CEP128: variants seen among roughly 807,000 people sequenced by gnomAD.
CEP128 encodes centrosomal protein 128kDa.
Under a neutral mutation model 156.7 loss-of-function variants are expected in CEP128, and 132 were observed. The ratio of observed to expected loss-of-function variants is 0.84; its 90% CI spans 0.73 to 0.97. The LOEUF is 0.97. CEP128 is among the 50% of genes least tolerant of loss of function. The pLI, the probability that CEP128 is intolerant of heterozygous loss-of-function variation, is 0.00. For missense variants in CEP128, 1,252 were observed against 1,281.9 expected, an observed-to-expected ratio of 0.98 and a Z score of 0.36; for synonymous variants, 469 against 448.9, an observed-to-expected ratio of 1.04 and a Z score of -0.57.
intron 19 of CEP128, among the ~76,000 whole-genome samples, chr14:80,695,344 A>G (rs1350838018): frequency 6.6e-6 from 1 of 152,190 alleles, no homozygotes; most frequent in Non-Finnish European, 1.5e-5. Context: ...TTGAGTTTTG[A>G]GAAATAATTA....
At chr14:80,562,951 A>G (rs1890752144) in intron 20 of CEP128, among the ~76,000 whole-genome samples, 1 of 151,852 alleles carries the variant, frequency 6.6e-6, no homozygotes, top group African/African-American at 2.4e-5. Context: ...GGCATGAACC[A>G]CCACACGTGG....
At chr14:80,542,814 G>A (rs1889823793) in intron 21 of CEP128, among the ~76,000 whole-genome samples, 1 of 152,176 alleles carries the variant, frequency 6.6e-6, no homozygotes, top group Admixed American at 6.5e-5. Context: ...AGAGGGTCCT[G>A]ATAGAGAGCT....
intron 21 of CEP128, among the ~76,000 whole-genome samples, chr14:80,539,671 A>T (rs1050735324): frequency 1.3e-5 from 2 of 152,186 alleles, no homozygotes; most frequent in Non-Finnish European, 2.9e-5. Flanking sequence ...GGAACAAGGG[A>T]AGACAATCAT....
chr14:80,824,908 G>T (rs1376485748), intron 13 of CEP128, among the ~76,000 whole-genome samples: 1 of 152,162 alleles, frequency 6.6e-6, no homozygotes, highest in Admixed American at 6.5e-5. Flanking sequence ...TCATGTTGCT[G>T]ATAAAGACAC....
chr14:80,739,536 A>C (rs1320623717), intron 19 of CEP128, among the ~76,000 whole-genome samples: 2 of 152,164 alleles, frequency 1.3e-5, no homozygotes, highest in Non-Finnish European at 2.9e-5. Context: ...ATCAGGCTCA[A>C]GCTTTTCTAT....
rs1885779503 is a variant in CEP128 at position 80,831,257 on chromosome 14, C to T, written c.1095G>A (p.Met365Ile). 6.2e-7 allele frequency: 1 copy of T among 1,614,050 alleles called. No individual in the cohort carries two copies. Among genetic ancestry groups the T allele is most frequent in the South Asian group, 1.1e-5 (1 of 91,076 alleles). Residue 365 changes from methionine (M) to isoleucine (I), a missense_variant, in exon 13 of 25, where the codon ATG (methionine) becomes ATA (isoleucine). Coordinates refer to ENST00000555265, the MANE Select transcript of CEP128 (RefSeq NM_152446.5). ...EREKQDLEKQMSDLRVQLNFS... is the reference protein window; with the variant it reads ...EREKQDLEKQISDLRVQLNFS... ...AGTTCAGCTGCACTCTCAAATCTGA[C>T]ATTTGCTTCTCCAGGTCCTGTTTTT... is the stretch of plus-strand genomic sequence containing the variant.
chr14:80,782,570 GA>G (rs1901184531), intron 15 of CEP128, among the ~76,000 whole-genome samples: 1 of 152,142 alleles, frequency 6.6e-6, no homozygotes, highest in Non-Finnish European at 1.5e-5. Flanking sequence ...TCAGAGAGAA[GA>G]AAGGCTATCA....
chr14:80,901,105 C>G (rs1373217593), intron 6 of CEP128, among the ~76,000 whole-genome samples: 1 of 151,888 alleles, frequency 6.6e-6, no homozygotes, highest in Non-Finnish European at 1.5e-5. Flanking sequence ...ACTCGGGAGG[C>G]TGAGGCAGGA....
intron 23 of CEP128, among the ~76,000 whole-genome samples, chr14:80,509,221 A>G (rs1224743374): frequency 6.6e-6 from 1 of 152,186 alleles, no homozygotes; most frequent in Non-Finnish European, 1.5e-5. Context: ...AAACTCCTCC[A>G]TACTGTTCTC....
intron 17 of CEP128, among the ~76,000 whole-genome samples, chr14:80,760,940 A>T (rs1460993048): frequency 6.6e-6 from 1 of 152,120 alleles, no homozygotes; most frequent in African/African-American, 2.4e-5. Context: ...ATTTAACCAG[A>T]TGTACAGCCA....
intron 19 of CEP128, 72 bp from the exon 20 acceptor site, chr14:80,580,495 T>G: frequency 2.3e-6 from 2 of 854,428 alleles, no homozygotes; most frequent in Non-Finnish European, 3.9e-6. Flanking sequence ...TCAAATGCAA[T>G]TCAGCCAGTA....
intron 18 of CEP128, among the ~76,000 whole-genome samples, chr14:80,744,287 C>T (rs915251239): frequency 1.3e-5 from 2 of 152,130 alleles, no homozygotes; most frequent in East Asian, 1.9e-4. Context: ...CTAAGTCAGG[C>T]TACCCTCCAA....
At chr14:80,722,476 A>G (rs952125561) in intron 19 of CEP128, among the ~76,000 whole-genome samples, 6 of 152,008 alleles carry the variant, frequency 3.9e-5, no homozygotes, top group Non-Finnish European at 8.8e-5. Context: ...TAACATATGT[A>G]TATGTGATAT....
At chr14:80,653,415 A>C (rs1020654691) in intron 19 of CEP128, among the ~76,000 whole-genome samples, 1 of 152,160 alleles carries the variant, frequency 6.6e-6, no homozygotes, top group African/African-American at 2.4e-5. Context: ...ACAAAAATGC[A>C]AGGTGAAGAT....
rs183783520 is a variant in CEP128 at position 80,828,369 on chromosome 14, T to G, written c.1209+2774A>C. On this transcript the variant is annotated intron_variant, in intron 13 of 24. Transcript: ENST00000555265. ...AACTCCTGACCTCAAGTGATCCGCCTGCCTTGGCCTCCCAAAGTGCTGGGA... is the reference window on the plus strand; with the variant it reads ...AACTCCTGACCTCAAGTGATCCGCCGGCCTTGGCCTCCCAAAGTGCTGGGA... Among the ~76,000 whole-genome samples, 718 of 152,172 alleles carry G rather than the reference T, an allele frequency of 4.7e-3. 8 individuals carry two copies. Among genetic ancestry groups the G allele is most frequent in the African/African-American group, 0.017 (691 of 41,538 alleles).
intron 19 of CEP128, among the ~76,000 whole-genome samples, chr14:80,584,386 T>C (rs1454239742): frequency 6.6e-6 from 1 of 152,046 alleles, no homozygotes; most frequent in African/African-American, 2.4e-5. Context: ...CCTCAAGTGA[T>C]CCGCCCGCCT....
chr14:80,584,132 G>A (rs578015690), intron 19 of CEP128, among the ~76,000 whole-genome samples: 186 of 149,212 alleles, frequency 1.2e-3, no homozygotes, highest in Admixed American at 2.1e-3. Flanking sequence ...GAATCAGGGC[G>A]TCCGTGACAT....
chr14:80,896,845 C>T (rs1269480670), intron 7 of CEP128, among the ~76,000 whole-genome samples: 1 of 152,204 alleles, frequency 6.6e-6, no homozygotes, highest in Non-Finnish European at 1.5e-5. Context: ...AGGACACTTA[C>T]TTTCCTGCTC....
intron 15 of CEP128, among the ~76,000 whole-genome samples, chr14:80,780,850 A>G (rs1901070285): frequency 1.3e-5 from 2 of 152,228 alleles, no homozygotes; most frequent in African/African-American, 4.8e-5. Flanking sequence ...GATACAAAAT[A>G]GCTTAGATCT....
Sources: allele counts gnomAD v4.1 joint callset (sites outside exome capture counted in the v4.1 genomes callset), GRCh38; gene constraint gnomAD v4.1.1; transcripts MANE v1.5; gene names NCBI Gene and HGNC (gene_info 2026-07-23, HGNC 2026-07-21).